Variants in RBFOX1 observed in about 807,000 individuals in gnomAD.
RBFOX1 encodes RNA binding fox-1 homolog 1.
RBFOX1 carries 8 observed loss-of-function variants against 57.7 expected under a neutral mutation model. The observed-to-expected ratio is 0.14, with a 90% CI of 0.08 to 0.25. RBFOX1 has a LOEUF of 0.25. Ranked by LOEUF, RBFOX1 falls within the 10% of genes least tolerant of loss-of-function variation. RBFOX1 has a pLI of 1.00. For synonymous variants in RBFOX1, 326 were observed against 222.4 expected (o/e 1.47, Z -4.15); for missense variants, 611 against 548.5 (o/e 1.11, Z -1.14).
chr16:5,367,275 G>A (rs796500525), intron 1 of RBFOX1, among the ~76,000 whole-genome samples: 15 of 152,208 alleles, frequency 9.9e-5, no homozygotes, highest in African/African-American at 3.1e-4. Flanking sequence ...TATGTGTGCA[G>A]TATTAGAAAT....
At chr16:5,914,926 G>C (rs911932005) in intron 4 of RBFOX1, among the ~76,000 whole-genome samples, 9 of 151,886 alleles carry the variant, frequency 5.9e-5, no homozygotes, top group African/African-American at 2.2e-4. Context: ...CAAAAAAAAA[G>C]AGAGTCTATG....
chr16:6,920,822 C>G (rs956327923), intron 3 of RBFOX1, among the ~76,000 whole-genome samples: 1 of 152,176 alleles, frequency 6.6e-6, no homozygotes, highest in African/African-American at 2.4e-5. Flanking sequence ...CAGGATGATT[C>G]CATCTTGAGA....
chr16:7,377,179 T>A (rs2097700176), intron 4 of RBFOX1, among the ~76,000 whole-genome samples: 1 of 152,246 alleles, frequency 6.6e-6, no homozygotes, highest in Admixed American at 6.5e-5. Flanking sequence ...AATACCAGTT[T>A]AAGGCATTCT....
intron 1 of RBFOX1, among the ~76,000 whole-genome samples, chr16:5,411,809 G>A (rs551838671): frequency 1.3e-5 from 2 of 152,152 alleles, no homozygotes; most frequent in South Asian, 2.1e-4. Flanking sequence ...CTTGAGCCTG[G>A]GAAGTGGAGG....
chr16:6,975,608 C>G (rs1368344177), intron 3 of RBFOX1, among the ~76,000 whole-genome samples: 1 of 152,166 alleles, frequency 6.6e-6, no homozygotes, highest in African/African-American at 2.4e-5. Flanking sequence ...GAAAATTGAT[C>G]AGGTGTGTTT....
At chr16:6,514,885 AG>A (rs2096341470) in intron 2 of RBFOX1, among the ~76,000 whole-genome samples, 2 of 151,970 alleles carry the variant, frequency 1.3e-5, no homozygotes, top group Admixed American at 1.3e-4. Context: ...ATAAGGAGGA[AG>A]GGGAGGAGGA....
intron 3 of RBFOX1, among the ~76,000 whole-genome samples, chr16:6,799,601 C>G (rs1239621932): frequency 6.6e-6 from 1 of 152,072 alleles, no homozygotes; most frequent in African/African-American, 2.4e-5. Context: ...GAGAGAAAGA[C>G]CCACCCTCAA....
chr16:5,895,305 G>C (rs1444230345), intron 4 of RBFOX1, among the ~76,000 whole-genome samples: 3 of 152,174 alleles, frequency 2.0e-5, no homozygotes, highest in Non-Finnish European at 4.4e-5. Flanking sequence ...CTTAGAACTT[G>C]TAGAAAATCC....
chr16:6,272,520 A>G (rs961182174), intron 1 of RBFOX1, among the ~76,000 whole-genome samples: 1 of 152,188 alleles, frequency 6.6e-6, no homozygotes, highest in African/African-American at 2.4e-5. Flanking sequence ...CCCCAAATGG[A>G]TAAACAGATT....
chr16:6,553,018 G>A (rs771225986), intron 2 of RBFOX1, among the ~76,000 whole-genome samples: 1 of 152,098 alleles, frequency 6.6e-6, no homozygotes, highest in Non-Finnish European at 1.5e-5. Context: ...TCTGAGGACT[G>A]GCTTTTATTA....
At chr16:5,669,110 C>T (rs2049938681) in intron 3 of RBFOX1, among the ~76,000 whole-genome samples, 1 of 152,156 alleles carries the variant, frequency 6.6e-6, no homozygotes, top group Non-Finnish European at 1.5e-5. Flanking sequence ...TGAATAGACC[C>T]AAAATGTAAT....
At chr16:6,060,922 A>G (rs1297094184) in intron 1 of RBFOX1, among the ~76,000 whole-genome samples, 1 of 152,068 alleles carries the variant, frequency 6.6e-6, no homozygotes, top group African/African-American at 2.4e-5. Flanking sequence ...TTTCCCACAT[A>G]TGGCACATGG....
intron 3 of RBFOX1, among the ~76,000 whole-genome samples, chr16:5,691,101 A>G (rs2050663454): frequency 6.6e-6 from 1 of 152,224 alleles, no homozygotes; most frequent in Non-Finnish European, 1.5e-5. Context: ...GAGGCTGTCC[A>G]ATAGGTCTAA....
At chr16:6,640,491 C>T (rs1459810598) in intron 2 of RBFOX1, among the ~76,000 whole-genome samples, 10 of 151,940 alleles carry the variant, frequency 6.6e-5, no homozygotes, top group Non-Finnish European at 1.5e-4. Context: ...ACCTGTAATC[C>T]CAGGTACTTG....
chr16:7,519,876 T>C, intron 5 of RBFOX1: 1 of 258,242 alleles, frequency 3.9e-6, no homozygotes, highest in Non-Finnish European at 5.8e-6. Flanking sequence ...TTTTGACGTT[T>C]TGTTTTTGTT....
At chr16:7,240,604 G>T (rs190567637) in intron 4 of RBFOX1, among the ~76,000 whole-genome samples, 2 of 152,110 alleles carry the variant, frequency 1.3e-5, no homozygotes, top group Non-Finnish European at 2.9e-5. Context: ...ACCCAGGCTG[G>T]AGTACAGTGG....
chr16:6,463,110 T>TA (rs144339230), intron 2 of RBFOX1, among the ~76,000 whole-genome samples: 38,050 of 152,104 alleles, frequency 0.25, 4,916 homozygotes, highest in Middle Eastern at 0.33. Flanking sequence ...TCAACTTTTA[T>TA]AAAAACAGCC....
chr16:7,474,889 TC>T, intron 4 of RBFOX1, among the ~76,000 whole-genome samples: 1 of 152,326 alleles, frequency 6.6e-6, no homozygotes, highest in East Asian at 1.9e-4. Flanking sequence ...AATCCATTCA[TC>T]CACTTCGTCT....
chr16:5,341,025 G>C (rs2151294873), intron 1 of RBFOX1, among the ~76,000 whole-genome samples: 1 of 152,286 alleles, frequency 6.6e-6, no homozygotes, highest in Non-Finnish European at 1.5e-5. Flanking sequence ...CCAGATACCT[G>C]TGGATGCCTA....
Sources: allele counts gnomAD v4.1 joint callset (sites outside exome capture counted in the v4.1 genomes callset), GRCh38; gene constraint gnomAD v4.1.1; transcripts MANE v1.5; gene names NCBI Gene and HGNC (gene_info 2026-07-23, HGNC 2026-07-21).